The following DNAAF9 variants were observed in gnomAD, a reference collection of about 807,000 sequenced individuals.
DNAAF9 encodes shulin.
In DNAAF9, 90 loss-of-function variants were observed where a neutral mutation model predicts 167.0. The ratio of observed to expected loss-of-function variants is 0.54; its 90% CI spans 0.45 to 0.64. DNAAF9 has a LOEUF of 0.64. Ranked by LOEUF, DNAAF9 falls within the 30% of genes least tolerant of loss-of-function variation. The pLI, the probability that DNAAF9 is intolerant of heterozygous loss-of-function variation, is 0.00. For synonymous variants in DNAAF9, 491 were observed against 508.8 expected (o/e 0.96, Z 0.47); for missense variants, 1,315 against 1,442.2 (o/e 0.91, Z 1.43).
chr20:3,394,949 C>CTTTCTTTTTTTTTTTTTTTT (rs2083881814), intron 1 of DNAAF9, among the ~76,000 whole-genome samples: 1 of 102,132 alleles, frequency 9.8e-6, no homozygotes, highest in Non-Finnish European at 1.9e-5. Context: ...TTTCTTTTTT[C>CTTTCTTTTTTTTTTTTTTTT]TTTTTTTTTT....
chr20:3,364,911 TCTCTCTCTCC>T (rs1214062413), intron 6 of DNAAF9, among the ~76,000 whole-genome samples: 1 of 150,474 alleles, frequency 6.6e-6, no homozygotes, highest in Non-Finnish European at 1.5e-5. Flanking sequence ...TTCCTTCTTT[TCTCTCTCTCC>T]CTCTCTCTCC....
At chr20:3,326,795 C>T (rs1475903377) in intron 12 of DNAAF9, among the ~76,000 whole-genome samples, 2 of 150,868 alleles carry the variant, frequency 1.3e-5, no homozygotes, top group South Asian at 4.2e-4. Context: ...TTATACTTTG[C>T]TTTTGTTAAA....
intron 10 of DNAAF9, 127 bp from the exon 11 acceptor site, chr20:3,332,488 C>G: frequency 1.9e-6 from 1 of 537,758 alleles, no homozygotes; most frequent in Non-Finnish European, 3.3e-6. Flanking sequence ...GAGTCTTACT[C>G]TGTCATGTAG....
rs367851853 is a variant in DNAAF9 at position 3,307,967 on chromosome 20, TAAAAAAA to T, written c.1679-3431_1679-3425del. Among the ~76,000 whole-genome samples, 4 of 123,452 alleles carry T rather than the reference TAAAAAAA, an allele frequency of 3.2e-5. 1 individual carries two copies. Among genetic ancestry groups the T allele is most frequent in the Admixed American group, 2.5e-4 (3 of 11,818 alleles). 81.0% of individuals were successfully genotyped at this position (123,452 alleles called of 152,430 possible). A position where few individuals can be genotyped will look rare whatever the true frequency, so the allele number is the denominator to read the frequency against. ...GTGTGTGAAATGTACACACAAGGTT[TAAAAAAA>T]AAAAAAAAAAAAAACTAAAGCAACA... On this transcript the variant is annotated intron_variant, in intron 20 of 36. Transcript: ENST00000252032.
intron 25 of DNAAF9, among the ~76,000 whole-genome samples, chr20:3,293,474 CA>C (rs1326668422): frequency 1.3e-5 from 2 of 149,778 alleles, no homozygotes; most frequent in Non-Finnish European, 3.0e-5. Context: ...CACCTGAGGT[CA>C]AGAGTTCGAG....
chr20:3,269,580 G>A (rs973426325), intron 30 of DNAAF9, among the ~76,000 whole-genome samples: 1 of 152,110 alleles, frequency 6.6e-6, no homozygotes, highest in Non-Finnish European at 1.5e-5. Context: ...ATCCTTCAAT[G>A]GATGAGAATG....
chr20:3,355,584 AG>A (rs1430951786), intron 7 of DNAAF9, among the ~76,000 whole-genome samples: 4 of 152,130 alleles, frequency 2.6e-5, no homozygotes, highest in African/African-American at 7.2e-5. Flanking sequence ...AAAAAAAAAA[AG>A]AAATTTTTAA....
intron 16 of DNAAF9, among the ~76,000 whole-genome samples, chr20:3,320,568 C>G (rs1175473867): frequency 6.6e-6 from 1 of 152,178 alleles, no homozygotes; most frequent in African/African-American, 2.4e-5. Context: ...AAAGTATTAT[C>G]ACCTAAATAT....
At chr20:3,360,908 C>T (rs2123179034) in intron 6 of DNAAF9, among the ~76,000 whole-genome samples, 1 of 152,274 alleles carries the variant, frequency 6.6e-6, no homozygotes, top group East Asian at 1.9e-4. Flanking sequence ...ACTCTGAGAG[C>T]TGGCAGGTCT....
At chr20:3,267,480 C>A (rs1037239304) in intron 30 of DNAAF9, among the ~76,000 whole-genome samples, 1 of 152,080 alleles carries the variant, frequency 6.6e-6, no homozygotes, top group East Asian at 1.9e-4. Context: ...GTATTTGCTG[C>A]AACTGTGGTA....
chr20:3,273,767 G>A (rs1393779474), intron 29 of DNAAF9, among the ~76,000 whole-genome samples: 1 of 152,112 alleles, frequency 6.6e-6, no homozygotes, highest in Admixed American at 6.6e-5. Context: ...TATCAGAAGT[G>A]TTCACAAAGA....
chr20:3,355,511 C>A (rs908081386), intron 7 of DNAAF9, among the ~76,000 whole-genome samples: 7 of 151,418 alleles, frequency 4.6e-5, no homozygotes, highest in African/African-American at 1.7e-4. Flanking sequence ...GAGGTGGAGG[C>A]TGCAGTGAGC....
chr20:3,268,667 C>G (rs898981286), intron 30 of DNAAF9, among the ~76,000 whole-genome samples: 1 of 151,898 alleles, frequency 6.6e-6, no homozygotes, highest in Non-Finnish European at 1.5e-5. Flanking sequence ...TTAGTTTTTT[C>G]CCTCCTTTAT....
At chr20:3,306,773 C>G in intron 20 of DNAAF9, 1 of 298,250 alleles carries the variant, frequency 3.4e-6, no homozygotes, top group Non-Finnish European at 5.0e-6. Context: ...GTAGCCTGTT[C>G]ACTGCTGTCT....
chr20:3,382,779 C>T (rs962387484), intron 1 of DNAAF9, among the ~76,000 whole-genome samples: 2 of 151,100 alleles, frequency 1.3e-5, no homozygotes, highest in Admixed American at 6.6e-5. Context: ...AGCCAAAGTC[C>T]CTCTCTCATG....
At chr20:3,288,645 C>A in intron 26 of DNAAF9, among the ~76,000 whole-genome samples, 1 of 152,326 alleles carries the variant, frequency 6.6e-6, no homozygotes. Flanking sequence ...CAATTTCAGG[C>A]TTCCAAATTT....
intron 1 of DNAAF9, among the ~76,000 whole-genome samples, chr20:3,392,698 C>A (rs1475608244): frequency 2.0e-5 from 3 of 152,044 alleles, no homozygotes; most frequent in Non-Finnish European, 4.4e-5. Flanking sequence ...GGTATGTTTT[C>A]TTGTTTGTTT....
At chr20:3,291,886 T>C (rs2068961706) in intron 25 of DNAAF9, among the ~76,000 whole-genome samples, 1 of 152,046 alleles carries the variant, frequency 6.6e-6, no homozygotes, top group Admixed American at 6.6e-5. Context: ...CCTCCTCCTA[T>C]CCAGCCTTCC....
At chr20:3,357,492 A>G (rs1292970616) in intron 7 of DNAAF9, among the ~76,000 whole-genome samples, 1 of 152,034 alleles carries the variant, frequency 6.6e-6, no homozygotes, top group Non-Finnish European at 1.5e-5. Context: ...ATAAATAAAT[A>G]AATATTACCG....
Sources: gnomAD v4.1 joint callset for allele counts (sites outside exome capture counted in the v4.1 genomes callset) on GRCh38, gnomAD v4.1.1 for gene constraint, MANE v1.5 for transcripts, NCBI Gene and HGNC (gene_info 2026-07-23, HGNC 2026-07-21) for gene names.